WDR45B: variants seen among roughly 807,000 people sequenced by gnomAD.
WDR45B encodes WD repeat domain phosphoinositide-interacting protein 3.
Under a neutral mutation model 44.6 loss-of-function variants are expected in WDR45B, and 20 were observed. The observed-to-expected ratio is 0.45, with a 90% CI of 0.32 to 0.65. The LOEUF is 0.65. Among genes scored for constraint, WDR45B ranks in the 30% least tolerant of loss-of-function variants. The pLI is 0.05. For missense variants in WDR45B, 323 were observed against 430.2 expected (o/e 0.75, Z 2.20); for synonymous variants, 169 against 164.9 (o/e 1.02, Z -0.19).
rs1319983849 is a variant in WDR45B at position 82,615,830 on chromosome 17, C to T, written c.*89G>A. 1.5e-5 allele frequency: 19 copies of T among 1,250,876 alleles called. No homozygotes were observed. The highest frequency in any genetic ancestry group is 2.6e-4 in the Middle Eastern group (1 of 3,844). 77.5% of individuals were successfully genotyped at this position (1,250,876 alleles called of 1,614,324 possible). A position where few individuals can be genotyped will look rare whatever the true frequency, so the allele number is the denominator to read the frequency against. ...AGGTCCCTGGGCAGCCCCTCCAGCC[C>T]GTGGCCCAGGAGGCCCCTGGGGCAC... is the stretch of plus-strand genomic sequence containing the variant. On this transcript the variant is annotated 3_prime_UTR_variant, in exon 10 of 10. Coordinates refer to ENST00000392325, the MANE Select transcript of WDR45B (RefSeq NM_019613.4).
intron 4 of WDR45B, chr17:82,625,783 AACAG>A (rs1188839097): frequency 9.7e-6 from 4 of 412,306 alleles, no homozygotes; most frequent in Non-Finnish European, 1.4e-5. Context: ...AACCGAGCAA[AACAG>A]ACAGAAGTGA....
At chr17:82,619,570 A>AT (rs902793633) in intron 6 of WDR45B, among the ~76,000 whole-genome samples, 7 of 151,996 alleles carry the variant, frequency 4.6e-5, no homozygotes, top group African/African-American at 1.4e-4. Context: ...GCAAAAAAAA[A>AT]AAAATAAAAG....
Position 82,648,313 on chromosome 17 carries a change from C to T in WDR45B, c.28G>A (p.Gly10Ser). MNLLPCNPHGNGLLYAGFNQ... is the reference protein window; with the variant it reads MNLLPCNPHSNGLLYAGFNQ... The stretch of plus-strand genomic sequence containing the variant: ...AAGCCGGCGTAGAGCAGCCCGTTGC[C>T]GTGAGGGTTACACGGCAGGAGGTTC... Residue 10 changes from glycine (G) to serine (S), a missense_variant, in exon 1 of 10, where the codon GGC becomes AGC. Coordinates refer to ENST00000392325, the MANE Select transcript of WDR45B (RefSeq NM_019613.4). 1 of 1,606,976 alleles carries T rather than the reference C, an allele frequency of 6.2e-7. No homozygotes were observed. The highest frequency in any genetic ancestry group is 8.5e-7 in the Non-Finnish European group (1 of 1,178,076).
At chr17:82,636,345 G>GA (rs1311197634) in intron 2 of WDR45B, among the ~76,000 whole-genome samples, 1 of 150,592 alleles carries the variant, frequency 6.6e-6, no homozygotes, top group East Asian at 1.9e-4. Context: ...AAAATGGAAA[G>GA]AAAAAAAAGA....
At chr17:82,644,096 GACA>G (rs1470348547) in intron 1 of WDR45B, 73 bp from the exon 2 acceptor site, 2 of 1,422,096 alleles carry the variant, frequency 1.4e-6, no homozygotes, top group South Asian at 2.4e-5. Context: ...CTGGAGAAAT[GACA>G]ACTACTGAGA....
chr17:82,621,603 A>C lies in WDR45B; in HGVS notation c.618+6T>G, dbSNP rs1196664049. 1 of 1,614,070 alleles carries C rather than the reference A, an allele frequency of 6.2e-7. No homozygotes were observed. Among genetic ancestry groups the C allele is most frequent in the Non-Finnish European group, 8.5e-7 (1 of 1,180,016 alleles). ...ACAACACCAACAAGGTGAGTGGCAC[A>C]CTTACTTTCTCGGATGCAGTTGCAA... is the stretch of plus-strand genomic sequence containing the variant. On this transcript the variant is annotated splice_donor_region_variant and intron_variant, in intron 6 of 9. Coordinates refer to ENST00000392325, the MANE Select transcript of WDR45B (RefSeq NM_019613.4).
At chr17:82,616,065 C>G in intron 9 of WDR45B, 40 bp from the exon 10 acceptor site, 1 of 1,581,064 alleles carries the variant, frequency 6.3e-7, no homozygotes, top group Non-Finnish European at 8.7e-7. Flanking sequence ...GTGTTTCTTT[C>G]CCTCAAGTTA....
chr17:82,642,471 A>ATT (rs2045930142), intron 2 of WDR45B, among the ~76,000 whole-genome samples: 1 of 152,216 alleles, frequency 6.6e-6, no homozygotes, highest in African/African-American at 2.4e-5. Flanking sequence ...GCTGCTTTAT[A>ATT]ATAAACTGGT....
At position 82,634,993 on chromosome 17, in the gene WDR45B, A is replaced by T. The variant is rs960245170; in HGVS notation, c.143-3971T>A. On this transcript the variant is annotated intron_variant, in intron 2 of 9. Coordinates refer to ENST00000392325, the MANE Select transcript of WDR45B (RefSeq NM_019613.4). Reference sequence around the variant, plus strand: ...GCAGTCAAGTTCATGGAGACAGAAAAGTAGCACGGTGGTTACTAGGAGACA... The same window carrying T: ...GCAGTCAAGTTCATGGAGACAGAAATGTAGCACGGTGGTTACTAGGAGACA... Among the ~76,000 whole-genome samples the T allele has an allele frequency of 3.3e-5, 5 of 152,016 alleles. 1 individual carries two copies. Among genetic ancestry groups the T allele is most frequent in the African/African-American group, 1.2e-4 (5 of 41,268 alleles).
intron 2 of WDR45B, among the ~76,000 whole-genome samples, chr17:82,641,378 A>AC (rs1257970803): frequency 6.6e-6 from 1 of 152,162 alleles, no homozygotes; most frequent in Non-Finnish European, 1.5e-5. Flanking sequence ...ACAGGTTTTC[A>AC]CCCACGGTTC....
At chr17:82,641,491 G>A (rs2045915038) in intron 2 of WDR45B, among the ~76,000 whole-genome samples, 1 of 152,146 alleles carries the variant, frequency 6.6e-6, no homozygotes, top group South Asian at 2.1e-4. Context: ...CACCTGCTAA[G>A]GCAGAACTCA....
intron 6 of WDR45B, among the ~76,000 whole-genome samples, chr17:82,619,938 G>A (rs2045591470): frequency 1.3e-5 from 2 of 152,148 alleles, no homozygotes; most frequent in Non-Finnish European, 2.9e-5. Flanking sequence ...GCACCGCTGC[G>A]GCTAAGAAAG....
At chr17:82,616,814 T>TA (rs769779051) in intron 8 of WDR45B, among the ~76,000 whole-genome samples, 169 bp from the exon 9 acceptor site, 11 of 151,548 alleles carry the variant, frequency 7.3e-5, no homozygotes, top group East Asian at 1.9e-4. Context: ...CAATTTTATT[T>TA]AAAAAAAAAA....
At chr17:82,616,312 G>A in intron 9 of WDR45B, among the ~76,000 whole-genome samples, 1 of 152,220 alleles carries the variant, frequency 6.6e-6, no homozygotes, top group South Asian at 2.1e-4. Context: ...TTTCCTGGGG[G>A]AAACTGGAGG....
intron 8 of WDR45B, 91 bp from the exon 9 acceptor site, chr17:82,616,736 A>C (rs2045541635): frequency 2.0e-6 from 3 of 1,529,002 alleles, no homozygotes; most frequent in Non-Finnish European, 9.0e-7. Flanking sequence ...AAAATACGAA[A>C]ATGCTCCTTC....
intron 1 of WDR45B, among the ~76,000 whole-genome samples, chr17:82,645,571 G>C (rs947959265): frequency 2.0e-5 from 3 of 152,048 alleles, no homozygotes; most frequent in Admixed American, 2.0e-4. Context: ...TGCTAGTTGA[G>C]GGCAAAGTGG....
At chr17:82,616,474 G>C (rs777977394) in intron 9 of WDR45B, 50 bp downstream of exon 9, 2 of 1,612,110 alleles carry the variant, frequency 1.2e-6, no homozygotes, top group Non-Finnish European at 1.7e-6. Flanking sequence ...TCAGTGGATG[G>C]AGCCCAGGTG....
At chr17:82,631,534 C>T (rs2045767577) in intron 2 of WDR45B, among the ~76,000 whole-genome samples, 1 of 148,984 alleles carries the variant, frequency 6.7e-6, no homozygotes, top group African/African-American at 2.5e-5. Context: ...ATCAGTCTGC[C>T]TCGGCCTCCC....
At chr17:82,621,947 T>C in intron 5 of WDR45B, 148 bp from the exon 6 acceptor site, 1 of 1,020,982 alleles carries the variant, frequency 9.8e-7, no homozygotes, top group Non-Finnish European at 1.5e-6. Context: ...GATTTTTCAT[T>C]GTAAATAAAG....
Sources: allele counts gnomAD v4.1 joint callset (sites outside exome capture counted in the v4.1 genomes callset), GRCh38; gene constraint gnomAD v4.1.1; transcripts MANE v1.5; gene names NCBI Gene and HGNC (gene_info 2026-07-23, HGNC 2026-07-21).